The following TNFRSF8 variants were observed in gnomAD, a reference collection of about 807,000 sequenced individuals.
TNFRSF8 encodes the protein tumor necrosis factor receptor superfamily member 8.
A neutral mutation model predicts 70.8 loss-of-function variants in TNFRSF8; 26 were observed. That is an observed-to-expected ratio of 0.37 (90% CI 0.27 to 0.51). TNFRSF8 has a LOEUF of 0.51. Ranked by LOEUF, TNFRSF8 falls within the 20% of genes least tolerant of loss-of-function variation. The probability of loss-of-function intolerance (pLI) is 0.94; values close to 1 mark genes in which losing one functional copy is unlikely to be tolerated. For synonymous variants in TNFRSF8, 356 were observed against 339.2 expected (o/e 1.05, Z -0.54); for missense variants, 720 against 807.9 (o/e 0.89, Z 1.32).
chr1:12,066,840 A>T (rs1338984718), intron 1 of TNFRSF8, among the ~76,000 whole-genome samples: 1 of 150,032 alleles, frequency 6.7e-6, no homozygotes, highest in Non-Finnish European at 1.5e-5. Flanking sequence ...TTTAGTAGAG[A>T]TGGGGTTTCG....
In TNFRSF8 at chr1:12,138,102, A is replaced by T; in HGVS notation, c.1336-127A>T. 2 of 950,728 alleles carry T rather than the reference A, an allele frequency of 2.1e-6. No individual in the cohort carries two copies. Among genetic ancestry groups the T allele is most frequent in the African/African-American group, 3.4e-5 (2 of 59,404 alleles). 58.9% of individuals were successfully genotyped at this position (950,728 alleles called of 1,614,324 possible). ...TGAGAAGCCCGGGGCAGCTCATGGCAGCTTTTAAAGCAGAAAGGGGGACTC... is the reference window on the plus strand; with the variant it reads ...TGAGAAGCCCGGGGCAGCTCATGGCTGCTTTTAAAGCAGAAAGGGGGACTC... On this transcript the variant is annotated intron_variant, in intron 13 of 14. Coordinates refer to ENST00000263932, the MANE Select transcript of TNFRSF8 (RefSeq NM_001243.5). The surrounding 1 kb of genome is among the most constrained non-coding windows in gnomAD (Gnocchi z 5.7).
At chr1:12,114,230 T>C (rs148720950) in intron 7 of TNFRSF8, among the ~76,000 whole-genome samples, 76 of 152,290 alleles carry the variant, frequency 5.0e-4, no homozygotes, top group African/African-American at 1.7e-3. Context: ...AAAATGGGCA[T>C]AGTATTATCT....
Position 12,063,892 on chromosome 1 carries a change from T to C in TNFRSF8, c.63+231T>C, listed in dbSNP as rs903168942. Among the ~76,000 whole-genome samples, 4 of 152,216 alleles carry C rather than the reference T, an allele frequency of 2.6e-5. No individual in the cohort carries two copies. The highest frequency in any genetic ancestry group is 2.0e-4 in the Admixed American group (3 of 15,292). On this transcript the variant is annotated intron_variant, in intron 1 of 14. Transcript: ENST00000263932. This position sits in a 1 kb window ranked among gnomAD's most constrained non-coding sequence, Gnocchi z 7.2. ...CTTCTCACCCCGCGATGGCTGGGAC[T>C]GATTCATTCATTCAGTGTGAATTGG...
chr1:12,101,555 G>C (rs1641423303), intron 3 of TNFRSF8, among the ~76,000 whole-genome samples: 1 of 152,162 alleles, frequency 6.6e-6, no homozygotes, highest in South Asian at 2.1e-4. Context: ...TTATACAACT[G>C]GCAGGGCAGT....
intron 3 of TNFRSF8, among the ~76,000 whole-genome samples, chr1:12,098,169 C>T (rs1230763192): frequency 1.3e-5 from 2 of 152,056 alleles, no homozygotes; most frequent in African/African-American, 4.8e-5. Context: ...CCCTTAATTT[C>T]ACATTTGTTT....
chr1:12,109,924 A>G lies in TNFRSF8; in HGVS notation c.513-117A>G. The G allele has an allele frequency of 1.5e-6, 2 of 1,301,836 alleles. No individual in the cohort carries two copies. Among genetic ancestry groups the G allele is most frequent in the South Asian group, 2.8e-5 (2 of 71,046 alleles). 80.6% of individuals were successfully genotyped at this position (1,301,836 alleles called of 1,614,324 possible). ...CCCAGGAGCTTACAGTGGGCCCGCC[A>G]GAGGCAGTGGGCCAAGGGCCTGGGA... On this transcript the variant is annotated intron_variant, in intron 5 of 14. Transcript: ENST00000263932. This position sits in a 1 kb window ranked among gnomAD's most constrained non-coding sequence, Gnocchi z 4.4.
At chr1:12,130,699 G>A (rs1642032439) in intron 12 of TNFRSF8, among the ~76,000 whole-genome samples, 1 of 152,262 alleles carries the variant, frequency 6.6e-6, no homozygotes, top group Admixed American at 6.5e-5. Context: ...CTTCAGAGCA[G>A]CCTGTGACAC....
intron 10 of TNFRSF8, among the ~76,000 whole-genome samples, chr1:12,125,383 T>C (rs1449426658): frequency 3.9e-5 from 6 of 152,148 alleles, no homozygotes; most frequent in Admixed American, 3.3e-4. Context: ...CTTAACGAAC[T>C]TTCGTGAGCC....
intron 2 of TNFRSF8, among the ~76,000 whole-genome samples, chr1:12,089,277 C>T (rs1557581866): frequency 1.3e-5 from 2 of 152,122 alleles, no homozygotes; most frequent in Non-Finnish European, 2.9e-5. Flanking sequence ...AGCCCTGACC[C>T]CAGGGCTTGG....
At chr1:12,095,950 C>T (rs886987390) in intron 2 of TNFRSF8, among the ~76,000 whole-genome samples, 3 of 152,228 alleles carry the variant, frequency 2.0e-5, no homozygotes, top group Non-Finnish European at 4.4e-5. Context: ...ACCATGCCCA[C>T]GCTCAGGCTG....
chr1:12,091,498 G>A lies in TNFRSF8; in HGVS notation c.152-5603G>A, dbSNP rs187719345. ...TGGTAGGTCTGGCCTGCCACACCCT[G>A]GCAGAGCAGGCTCTGGGTGCTCTGA... On this transcript the variant is annotated intron_variant, in intron 2 of 14. Coordinates refer to ENST00000263932, the MANE Select transcript of TNFRSF8 (RefSeq NM_001243.5). Among the ~76,000 whole-genome samples the A allele has an allele frequency of 3.9e-5, 6 of 152,210 alleles. No individual in the cohort carries two copies. In the East Asian group the frequency reaches 1.2e-3, roughly 29 times the overall value.
At position 12,071,624 on chromosome 1, in the gene TNFRSF8, C is replaced by T. The variant is rs113996732; in HGVS notation, c.63+7963C>T. On this transcript the variant is annotated intron_variant, in intron 1 of 14. Transcript: ENST00000263932. The stretch of plus-strand genomic sequence containing the variant: ...CCTCTCTCTCTTTTTTTTTTGAGCT[C>T]GATCTCTCGGCTCACTGCAACCTCC... Among the ~76,000 whole-genome samples the T allele has an allele frequency of 7.3e-3, 1,108 of 151,436 alleles. 15 individuals are homozygous for T. Among genetic ancestry groups the T allele is most frequent in the African/African-American group, 0.026 (1,055 of 41,308 alleles).
In TNFRSF8 at chr1:12,110,021, A is replaced by G. The variant is rs200674970; in HGVS notation, c.513-20A>G. ...CCCCATTGGCAGAATTATCAGTCCC[A>G]TCTCTGGCTTCTTCCCCAGTGGCAC... On this transcript the variant is annotated intron_variant, in intron 5 of 14. Transcript: ENST00000263932. This position sits in a 1 kb window ranked among gnomAD's most constrained non-coding sequence, Gnocchi z 4.0. 122 of 1,610,032 alleles carry G rather than the reference A, an allele frequency of 7.6e-5. No homozygotes were observed. The highest frequency in any genetic ancestry group is 9.9e-5 in the Non-Finnish European group (117 of 1,178,134).
intron 12 of TNFRSF8, among the ~76,000 whole-genome samples, chr1:12,128,231 C>T (rs1450989751): frequency 1.3e-5 from 2 of 152,260 alleles, no homozygotes; most frequent in African/African-American, 4.8e-5. Context: ...CTAGCTCCCT[C>T]CAAGCTTTTA....
intron 10 of TNFRSF8, among the ~76,000 whole-genome samples, chr1:12,124,337 G>A (rs1641891435): frequency 6.6e-6 from 1 of 152,110 alleles, no homozygotes; most frequent in Admixed American, 6.5e-5. Context: ...ATTCTTGTAG[G>A]CAGGAATTTT....
At position 12,123,347 on chromosome 1, in the gene TNFRSF8, C is replaced by G. The variant is rs537480612; in HGVS notation, c.1010C>G (p.Pro337Arg). The G allele has an allele frequency of 9.3e-6, 15 of 1,613,244 alleles. No homozygotes were observed. The highest frequency in any genetic ancestry group is 8.9e-5 in the East Asian group (4 of 44,876). Residue 337 changes from proline to arginine, a missense_variant, in exon 9 of 15, where the codon CCC (proline) becomes CGC (arginine). Transcript: ENST00000263932. ...PPLGTQPDCN[P>R]TPENGEAPAS... ...CTGGGGACCCAGCCGGACTGCAACC[C>G]CACCCCAGAGAATGGCGAGGCGCCT... is the stretch of plus-strand genomic sequence containing the variant.
chr1:12,072,009 C>T (rs1299904977), intron 1 of TNFRSF8, among the ~76,000 whole-genome samples: 2 of 152,138 alleles, frequency 1.3e-5, no homozygotes, highest in Non-Finnish European at 2.9e-5. Context: ...TAGAGCATTT[C>T]GTTAAAGGTA....
At position 12,111,984 on chromosome 1, in the gene TNFRSF8, C is replaced by T. The variant is rs1473751522; in HGVS notation, c.763C>T (p.Arg255Cys). The T allele has an allele frequency of 1.9e-5, 31 of 1,614,070 alleles. No homozygotes were observed. Among genetic ancestry groups the T allele is most frequent in the Non-Finnish European group, 2.3e-5 (27 of 1,180,020 alleles). Residue 255 changes from arginine to cysteine, a missense_variant, in exon 7 of 15, where the codon CGC becomes TGC. Arg to Cys is a radical substitution (Grantham distance 180). Coordinates refer to ENST00000263932, the MANE Select transcript of TNFRSF8 (RefSeq NM_001243.5). ...EPDYYLDEAG[R>C]CTACVSCSRD... ...CGACTACTACCTGGACGAGGCCGGC[C>T]GCTGCACGGCCTGCGTGAGCTGTTC...
chr1:12,093,352 G>A lies in TNFRSF8; in HGVS notation c.152-3749G>A, dbSNP rs568486812. On this transcript the variant is annotated intron_variant, in intron 2 of 14. Transcript: ENST00000263932. ...ACCCAGACTGGCTGTAGTAGAGAGT[G>A]CATGAAGTGAGCAATGTACTAGAAT... 3.9e-5 allele frequency among the ~76,000 whole-genome samples: 6 copies of A among 152,324 alleles called. No homozygotes were observed. The East Asian group carries it at 1.2e-3, about 29-fold the overall frequency.
Sources: allele counts gnomAD v4.1 joint callset (sites outside exome capture counted in the v4.1 genomes callset), GRCh38; gene constraint gnomAD v4.1.1; non-coding constraint Gnocchi (gnomAD v3.1); transcripts MANE v1.5; gene names NCBI Gene and HGNC (gene_info 2026-07-23, HGNC 2026-07-21).